ECHDC1: variants seen among roughly 807,000 people sequenced by gnomAD.
ECHDC1 encodes the protein ethylmalonyl-CoA decarboxylase.
ECHDC1 carries 29 observed loss-of-function variants against 29.7 expected under a neutral mutation model. The ratio of observed to expected loss-of-function variants is 0.98; its 90% CI spans 0.73 to 1.33. The LOEUF (loss-of-function observed/expected upper bound fraction) is 1.33. Ranked by LOEUF, ECHDC1 falls within the 40% of genes most tolerant of loss-of-function variation. The probability of loss-of-function intolerance (pLI) is 0.00; values close to 1 mark genes in which losing one functional copy is unlikely to be tolerated. For missense variants in ECHDC1, 328 were observed against 350.0 expected (o/e 0.94, Z 0.50); for synonymous variants, 126 against 123.1 (o/e 1.02, Z -0.15).
chr6:127,321,327 T>C (rs180717076), intron 3 of ECHDC1, among the ~76,000 whole-genome samples: 1 of 152,300 alleles, frequency 6.6e-6, no homozygotes, highest in African/African-American at 2.4e-5. Context: ...TTTCAGAATG[T>C]TTCAGCCATG....
At chr6:127,309,316 G>T (rs765150421) in intron 5 of ECHDC1, among the ~76,000 whole-genome samples, 1 of 151,824 alleles carries the variant, frequency 6.6e-6, no homozygotes, top group South Asian at 2.1e-4. Context: ...TTCAACAAAG[G>T]TACCAAGAAC....
intron 5 of ECHDC1, among the ~76,000 whole-genome samples, chr6:127,308,560 G>A (rs1781631242): frequency 6.6e-6 from 1 of 152,084 alleles, no homozygotes; most frequent in Non-Finnish European, 1.5e-5. Context: ...ACTGAATGGG[G>A]AAAAGGTAAA....
At position 127,331,000 on chromosome 6, in the gene ECHDC1, G is replaced by C. The variant is rs763787952; in HGVS notation, c.29C>G (p.Ser10Cys). 1.2e-6 allele frequency: 2 copies of C among 1,613,616 alleles called. No homozygotes were observed. The highest frequency in any genetic ancestry group is 2.2e-5 in the South Asian group (2 of 91,080). The change falls in exon 2 of 6, where the codon TCT becomes TGT. Residue 10 changes from serine (S) to cysteine (C), a missense_variant. Coordinates refer to ENST00000454859, the MANE Select transcript of ECHDC1 (RefSeq NM_001002030.2). ...TAGCAATTTTGTCCTTCCAGACAGAGAGGCTGTCTTCAAAAGACTTTTCGC... is the reference window on the plus strand; with the variant it reads ...TAGCAATTTTGTCCTTCCAGACAGACAGGCTGTCTTCAAAAGACTTTTCGC... MAKSLLKTA[S>C]LSGRTKLLHQ...
chr6:127,337,717 C>A (rs971810463), intron 1 of ECHDC1, among the ~76,000 whole-genome samples: 2 of 152,166 alleles, frequency 1.3e-5, no homozygotes, highest in African/African-American at 4.8e-5. Context: ...TTCGCATCAA[C>A]AACACCTATA....
intron 5 of ECHDC1, among the ~76,000 whole-genome samples, chr6:127,309,327 A>T (rs1440217144): frequency 6.6e-6 from 1 of 152,190 alleles, no homozygotes; most frequent in Non-Finnish European, 1.5e-5. Flanking sequence ...TACCAAGAAC[A>T]TACACTGGAG....
At chr6:127,316,363 T>C in intron 4 of ECHDC1, 87 bp downstream of exon 4, 1 of 1,137,068 alleles carries the variant, frequency 8.8e-7, no homozygotes, top group Non-Finnish European at 1.3e-6. Flanking sequence ...AATTAGCTAT[T>C]ATTTCTTAAC....
chr6:127,316,822 G>A (rs1398714210), intron 3 of ECHDC1, among the ~76,000 whole-genome samples: 1 of 152,036 alleles, frequency 6.6e-6, no homozygotes. Flanking sequence ...ATACCCATCT[G>A]TTATCCTTAA....
intron 5 of ECHDC1, among the ~76,000 whole-genome samples, chr6:127,302,960 C>CT (rs1003895164): frequency 7.9e-5 from 12 of 151,956 alleles, no homozygotes; most frequent in African/African-American, 2.2e-4. Context: ...TATAAAATAA[C>CT]TTTTTTTTAT....
At chr6:127,324,070 TTAA>T (rs955734467) in intron 3 of ECHDC1, among the ~76,000 whole-genome samples, 1 of 152,158 alleles carries the variant, frequency 6.6e-6, no homozygotes, top group Non-Finnish European at 1.5e-5. Flanking sequence ...TTGCTGATTT[TTAA>T]TGATGACCAC....
intron 1 of ECHDC1, among the ~76,000 whole-genome samples, chr6:127,338,427 C>CT (rs199762149): frequency 5.3e-4 from 79 of 149,886 alleles, no homozygotes; most frequent in East Asian, 3.9e-3. Flanking sequence ...AAAAGGATAT[C>CT]TTTTTTTTTT....
chr6:127,322,398 C>T (rs1273736672), intron 3 of ECHDC1, among the ~76,000 whole-genome samples: 1 of 152,166 alleles, frequency 6.6e-6, no homozygotes, highest in African/African-American at 2.4e-5. Context: ...TTCCACATTT[C>T]CTTGATAAGA....
At chr6:127,306,240 T>C (rs1781426606) in intron 5 of ECHDC1, among the ~76,000 whole-genome samples, 1 of 152,126 alleles carries the variant, frequency 6.6e-6, no homozygotes, top group Admixed American at 6.5e-5. Flanking sequence ...AATGGGTCAA[T>C]TAAGCAAGAG....
intron 3 of ECHDC1, chr6:127,326,415 T>C: frequency 2.9e-6 from 1 of 344,244 alleles, no homozygotes; most frequent in Non-Finnish European, 6.1e-6. Flanking sequence ...CTTCATAAAC[T>C]ACCCAGTCTC....
At chr6:127,329,959 G>A in intron 2 of ECHDC1, 1 of 435,876 alleles carries the variant, frequency 2.3e-6, no homozygotes, top group Admixed American at 2.7e-5. Flanking sequence ...ACAGACTATT[G>A]AATTATGTCT....
At chr6:127,329,652 G>A (rs1213181473) in intron 2 of ECHDC1, among the ~76,000 whole-genome samples, 1 of 152,000 alleles carries the variant, frequency 6.6e-6, no homozygotes, top group Non-Finnish European at 1.5e-5. Context: ...CAGAGACTTA[G>A]TATGAAAATA....
intron 5 of ECHDC1, among the ~76,000 whole-genome samples, chr6:127,300,312 C>G (rs532422379): frequency 6.6e-6 from 1 of 152,154 alleles, no homozygotes; most frequent in Non-Finnish European, 1.5e-5. Context: ...CAAGCCCATA[C>G]GTGGTAGGTA....
At chr6:127,302,380 T>C (rs1220653087) in intron 5 of ECHDC1, among the ~76,000 whole-genome samples, 1 of 152,124 alleles carries the variant, frequency 6.6e-6, no homozygotes, top group South Asian at 2.1e-4. Flanking sequence ...TAATGCACAC[T>C]TGCATGTAGC....
chr6:127,327,032 C>G lies in ECHDC1; in HGVS notation c.333G>C (p.Leu111=), dbSNP rs758621078. The G allele has an allele frequency of 6.2e-7, 1 of 1,613,876 alleles. No homozygotes were observed. Among genetic ancestry groups the G allele is most frequent in the Admixed American group, 1.7e-5 (1 of 60,016 alleles). The change falls in exon 3 of 6, where the codon CTG becomes CTC. Residue 111 remains leucine, a synonymous_variant. Transcript: ENST00000454859. ...GAGTTCCTAGTGATTTCACAGCATT[C>G]AGATCAGATCCTGAAGAGAAAGTAT... is the stretch of plus-strand genomic sequence containing the variant. The part of the protein sequence containing the change: ...AKNTFSSGSD[L]NAVKSLGTPE...
intron 1 of ECHDC1, among the ~76,000 whole-genome samples, chr6:127,333,984 G>C (rs911598985): frequency 3.9e-5 from 6 of 152,010 alleles, no homozygotes; most frequent in Admixed American, 2.6e-4. Context: ...ATCATCTTTT[G>C]TGAAGTTCCT....
Sources: allele counts gnomAD v4.1 joint callset (sites outside exome capture counted in the v4.1 genomes callset), GRCh38; gene constraint gnomAD v4.1.1; transcripts MANE v1.5; gene names NCBI Gene and HGNC (gene_info 2026-07-23, HGNC 2026-07-21).